Variants in USP47 observed in about 807,000 individuals in gnomAD.
USP47 encodes the protein ubiquitin carboxyl-terminal hydrolase 47.
A neutral mutation model predicts 165.1 loss-of-function variants in USP47; 35 were observed. The observed-to-expected ratio is 0.21, with a 90% CI of 0.16 to 0.28. The LOEUF (loss-of-function observed/expected upper bound fraction) is 0.28. USP47 is among the 10% of genes least tolerant of loss of function. The pLI is 1.00. For missense variants in USP47, 1,277 were observed against 1,607.4 expected (o/e 0.79, Z 3.52); for synonymous variants, 531 against 544.5 (o/e 0.98, Z 0.35).
chr11:11,948,182 T>C (rs1318609096), intron 21 of USP47, 62 bp downstream of exon 21: 8 of 1,517,850 alleles, frequency 5.3e-6, no homozygotes, highest in Admixed American at 2.2e-5. Context: ...TGAGAACAGC[T>C]TTTACTACTT....
At chr11:11,929,889 T>C (rs773172015) in intron 12 of USP47, among the ~76,000 whole-genome samples, 155 bp from the exon 13 acceptor site, 1 of 152,156 alleles carries the variant, frequency 6.6e-6, no homozygotes, top group Non-Finnish European at 1.5e-5. Context: ...AAGCAGCCAC[T>C]GATTATGATT....
intron 5 of USP47, among the ~76,000 whole-genome samples, chr11:11,900,828 T>C (rs534088223): frequency 1.3e-5 from 2 of 152,348 alleles, no homozygotes; most frequent in Admixed American, 1.3e-4. Flanking sequence ...GTACCAGGAC[T>C]AAAGGACAGG....
chr11:11,900,052 G>A (rs527560071), intron 5 of USP47, among the ~76,000 whole-genome samples: 6 of 151,968 alleles, frequency 3.9e-5, no homozygotes, highest in Admixed American at 1.3e-4. Flanking sequence ...TAGAGCTAGC[G>A]TAAAAGGATT....
intron 17 of USP47, 125 bp from the exon 18 acceptor site, chr11:11,938,132 G>GC (rs1176455695): frequency 8.1e-5 from 57 of 702,010 alleles, no homozygotes; most frequent in Non-Finnish European, 1.3e-4. Flanking sequence ...ATTCAGTGTT[G>GC]TTTTCATCTG....
intron 1 of USP47, among the ~76,000 whole-genome samples, chr11:11,872,495 T>C (rs913584013): frequency 2.0e-5 from 3 of 152,170 alleles, no homozygotes; most frequent in Non-Finnish European, 2.9e-5. Flanking sequence ...TGGATATGTT[T>C]TAAAGCCCCA....
chr11:11,878,072 A>G (rs935393665), intron 1 of USP47, among the ~76,000 whole-genome samples: 1 of 152,074 alleles, frequency 6.6e-6, no homozygotes, highest in Non-Finnish European at 1.5e-5. Flanking sequence ...TCTGTATAAC[A>G]TATTTAGTCT....
chr11:11,867,722 C>A (rs1177807146), intron 1 of USP47, among the ~76,000 whole-genome samples: 1 of 152,086 alleles, frequency 6.6e-6, no homozygotes, highest in African/African-American at 2.4e-5. Context: ...AAAATGTGAG[C>A]TGTTCATTTT....
chr11:11,950,715 G>A (rs1208074731), intron 24 of USP47, among the ~76,000 whole-genome samples: 1 of 152,044 alleles, frequency 6.6e-6, no homozygotes, highest in East Asian at 1.9e-4. Context: ...TGCTTAAGTT[G>A]TTTTTGAAAG....
chr11:11,922,136 T>C (rs948569121), intron 10 of USP47, among the ~76,000 whole-genome samples: 1 of 148,512 alleles, frequency 6.7e-6, no homozygotes, highest in Non-Finnish European at 1.5e-5. Flanking sequence ...ACAAAGAGAA[T>C]TCTTCAAATT....
intron 1 of USP47, among the ~76,000 whole-genome samples, chr11:11,843,777 T>G (rs909342670): frequency 6.6e-6 from 1 of 152,224 alleles, no homozygotes; most frequent in Non-Finnish European, 1.5e-5. Flanking sequence ...ATACCGAGCT[T>G]TGCAGAAACA....
At position 11,948,549 on chromosome 11, in the gene USP47, T is replaced by C. The variant is rs763617782; in HGVS notation, c.3339T>C (p.Asn1113=). Residue 1113 remains asparagine (N), a synonymous_variant, in exon 22 of 28, where the codon AAT becomes AAC. Transcript: ENST00000527733. ...TTAAAGTATACCAGCTTTTGGTCAA[T>C]GAACAAGAGGTAAGTAATACGTTTA... ...YRVKVYQLLV[N]EQEPCKFLLD... is the part of the protein sequence containing the mutation. 1.9e-6 allele frequency: 3 copies of C among 1,610,044 alleles called. No homozygotes were observed. Among genetic ancestry groups the C allele is most frequent in the Non-Finnish European group, 2.5e-6 (3 of 1,176,604 alleles).
intron 2 of USP47, among the ~76,000 whole-genome samples, chr11:11,882,946 C>T (rs55997097): frequency 0.13 from 19,374 of 152,162 alleles, 1,581 homozygotes; most frequent in Middle Eastern, 0.39. Flanking sequence ...TTACTGTACT[C>T]GAGCTCTATT....
intron 1 of USP47, among the ~76,000 whole-genome samples, chr11:11,850,681 C>A (rs1004984343): frequency 6.6e-6 from 1 of 152,116 alleles, no homozygotes; most frequent in African/African-American, 2.4e-5. Flanking sequence ...GATGGTAAAT[C>A]TGGATGATTT....
chr11:11,858,087 C>T (rs1266897051), intron 1 of USP47, among the ~76,000 whole-genome samples: 1 of 152,210 alleles, frequency 6.6e-6, no homozygotes, highest in Non-Finnish European at 1.5e-5. Context: ...TGTATCCAGG[C>T]CCTTTAGCCG....
chr11:11,942,578 C>G lies in USP47; in HGVS notation c.2557C>G (p.Leu853Val). ...VGSLKSVEAILEESTEKLKSL... is the reference protein window; with the variant it reads ...VGSLKSVEAIVEESTEKLKSL... ...AAGCCTAAAGTCTGTGGAAGCTATT[C>G]TAGAAGAAAGCACTGAAAAACTCAA... is the stretch of plus-strand genomic sequence containing the variant. The change falls in exon 20 of 28, where the codon CTA (leucine) becomes GTA (valine). Residue 853 changes from leucine to valine, a missense_variant. Physicochemically the swap from Leu to Val is conservative, Grantham distance 32. This residue lies in a region of USP47 where 909 missense variants were observed against 1,068.1 expected (regional missense o/e 0.85). Coordinates refer to ENST00000527733, the MANE Select transcript of USP47 (RefSeq NM_001282659.2). The G allele has an allele frequency of 1.2e-6, 2 of 1,613,490 alleles. No individual in the cohort carries two copies. The highest frequency in any genetic ancestry group is 1.7e-6 in the Non-Finnish European group (2 of 1,179,720).
At chr11:11,884,398 A>G (rs1034071163) in intron 2 of USP47, 69 bp from the exon 3 acceptor site, 3 of 1,087,492 alleles carry the variant, frequency 2.8e-6, no homozygotes, top group Non-Finnish European at 4.0e-6. Flanking sequence ...AAATGTAGAT[A>G]TGTATCTATT....
At chr11:11,914,454 A>C (rs1853258054) in intron 8 of USP47, among the ~76,000 whole-genome samples, 1 of 152,274 alleles carries the variant, frequency 6.6e-6, no homozygotes, top group Middle Eastern at 3.4e-3. Context: ...TTTAGAAAAA[A>C]CATAGGAGAA....
intron 20 of USP47, among the ~76,000 whole-genome samples, chr11:11,946,951 A>C (rs1194003984): frequency 1.3e-5 from 2 of 152,178 alleles, no homozygotes; most frequent in African/African-American, 4.8e-5. Context: ...TTGATATGAC[A>C]TGGGAATGTT....
chr11:11,874,870 T>A (rs1244892172), intron 1 of USP47, among the ~76,000 whole-genome samples: 3 of 152,160 alleles, frequency 2.0e-5, no homozygotes, highest in Non-Finnish European at 4.4e-5. Context: ...CTGATACGTT[T>A]TATAAATTTC....
Sources: gnomAD v4.1 joint callset for allele counts (sites outside exome capture counted in the v4.1 genomes callset) on GRCh38, gnomAD v4.1.1 for gene constraint, gnomAD v4.1.1 regional missense constraint, MANE v1.5 for transcripts, NCBI Gene and HGNC (gene_info 2026-07-23, HGNC 2026-07-21) for gene names.